STPG2: variants seen among roughly 807,000 people sequenced by gnomAD.
STPG2 encodes sperm tail PG-rich repeat containing 2, also known as sperm-tail PG-rich repeat-containing protein 2.
In STPG2, 56 loss-of-function variants were observed where a neutral mutation model predicts 54.2. The ratio of observed to expected loss-of-function variants is 1.03; its 90% CI spans 0.83 to 1.29. The LOEUF (loss-of-function observed/expected upper bound fraction) is 1.29, where lower values mean the gene tolerates loss of function less well. Ranked by LOEUF, STPG2 falls within the 50% of genes most tolerant of loss-of-function variation. The pLI is 0.00. For missense variants in STPG2, 596 were observed against 544.9 expected (o/e 1.09, Z -0.93); for synonymous variants, 200 against 181.8 (o/e 1.10, Z -0.81).
intron 10 of STPG2, among the ~76,000 whole-genome samples, chr4:97,570,746 A>G (rs897105367): frequency 6.6e-6 from 1 of 152,060 alleles, no homozygotes; most frequent in Non-Finnish European, 1.5e-5. Flanking sequence ...CAACAGACTC[A>G]AAGGTTTTTT....
chr4:97,553,664 C>G (rs556736227), intron 4 of STPG2, among the ~76,000 whole-genome samples: 1 of 152,304 alleles, frequency 6.6e-6, no homozygotes, highest in East Asian at 1.9e-4. Flanking sequence ...TCAAGATCTG[C>G]AATATCTTAG....
chr4:97,548,327 G>C (rs1449087280), intron 4 of STPG2, among the ~76,000 whole-genome samples: 1 of 152,142 alleles, frequency 6.6e-6, no homozygotes, highest in East Asian at 1.9e-4. Context: ...TCAGCTGAGT[G>C]TGCTACTGAT....
chr4:97,781,123 A>G (rs920686750), intron 9 of STPG2, among the ~76,000 whole-genome samples: 1 of 151,990 alleles, frequency 6.6e-6, no homozygotes, highest in Non-Finnish European at 1.5e-5. Flanking sequence ...AAAACCCTTC[A>G]AAAAAATCAA....
At position 97,605,301 on chromosome 4, in the gene STPG2, A is replaced by G. The variant is rs374600609; in HGVS notation, c.1321-46184T>C. On this transcript the variant is annotated intron_variant, in intron 10 of 10. Transcript: ENST00000295268. ...TCCCAAACTAGTGAAAAATTTACAT[A>G]AAGTACTTCAATATACAATATACTT... Among the ~76,000 whole-genome samples the G allele has an allele frequency of 6.6e-5, 10 of 151,964 alleles. No homozygotes were observed. In the East Asian group the frequency reaches 9.7e-4, roughly 15 times the overall value.
At position 97,850,326 on chromosome 4, in the gene STPG2, A is replaced by ATAAATAAATAAATAAAT. The variant is rs1553918504; in HGVS notation, c.1045-9395_1045-9394insATTTATTTATTTATTTA. 1.3e-3 allele frequency among the ~76,000 whole-genome samples: 186 copies of ATAAATAAATAAATAAAT among 146,854 alleles called. 1 individual carries two copies. The highest frequency in any genetic ancestry group is 7.9e-3 in the Middle Eastern group (2 of 252). On this transcript the variant is annotated intron_variant, in intron 8 of 10. Transcript: ENST00000295268. Reference sequence around the variant, plus strand: ...AATAAATAAATAAATAAATAAATAAAGAAGTAGAGCACAGTAAAAAACTAA... The same window carrying ATAAATAAATAAATAAAT: ...AATAAATAAATAAATAAATAAATAAATAAATAAATAAATAAATGAAGTAGAGCACAGTAAAAAACTAA...
chr4:98,134,676 A>T (rs1480003884), intron 1 of STPG2, among the ~76,000 whole-genome samples: 1 of 150,472 alleles, frequency 6.6e-6, no homozygotes, highest in Admixed American at 6.6e-5. Context: ...AACTTGACTT[A>T]TTGAACAACA....
chr4:97,975,255 C>T (rs1734461871), intron 6 of STPG2, among the ~76,000 whole-genome samples: 1 of 148,200 alleles, frequency 6.7e-6, no homozygotes, highest in African/African-American at 2.5e-5. Flanking sequence ...TCAAATTGTA[C>T]ATTTAAATGA....
chr4:98,138,565 C>A (rs1250834184), intron 1 of STPG2, among the ~76,000 whole-genome samples: 1 of 152,076 alleles, frequency 6.6e-6, no homozygotes, highest in East Asian at 1.9e-4. Flanking sequence ...GCATTTTTCA[C>A]ATATAAGCAG....
chr4:97,977,456 C>A (rs372331476), intron 6 of STPG2, among the ~76,000 whole-genome samples: 2 of 152,116 alleles, frequency 1.3e-5, no homozygotes, highest in African/African-American at 4.8e-5. Flanking sequence ...AGCCTTTGCA[C>A]CTGAATAAAC....
intron 10 of STPG2, among the ~76,000 whole-genome samples, chr4:97,689,012 C>G (rs1391593279): frequency 6.6e-6 from 1 of 151,726 alleles, no homozygotes; most frequent in Non-Finnish European, 1.5e-5. Flanking sequence ...AATTTTAAAC[C>G]CTATTTGTTA....
chr4:98,121,357 T>C (rs1324419583), intron 3 of STPG2, among the ~76,000 whole-genome samples: 2 of 138,272 alleles, frequency 1.4e-5, no homozygotes, highest in South Asian at 2.4e-4. Flanking sequence ...TGCTTAGGAT[T>C]GTCTTGGCTA....
chr4:98,091,702 G>GAAT (rs1296108391), intron 5 of STPG2, among the ~76,000 whole-genome samples: 1 of 44,642 alleles, frequency 2.2e-5, no homozygotes, highest in African/African-American at 6.5e-5. Context: ...ATTGTTCATT[G>GAAT]AGTAATAATA....
intron 9 of STPG2, among the ~76,000 whole-genome samples, chr4:97,794,795 T>C (rs151062116): frequency 2.0e-5 from 3 of 152,300 alleles, no homozygotes; most frequent in East Asian, 1.9e-4. Flanking sequence ...TTTCCAAAGA[T>C]TGGCTCTACA....
At chr4:98,130,478 C>T (rs1305848107) in intron 2 of STPG2, among the ~76,000 whole-genome samples, 1 of 152,148 alleles carries the variant, frequency 6.6e-6, no homozygotes, top group Non-Finnish European at 1.5e-5. Context: ...CCACCACACC[C>T]AGCCAGAATT....
chr4:97,642,912 C>G (rs1721804765), intron 10 of STPG2, among the ~76,000 whole-genome samples: 1 of 151,294 alleles, frequency 6.6e-6, no homozygotes, highest in African/African-American at 2.4e-5. Flanking sequence ...CAAATAAATT[C>G]AAAAGAGCTG....
intron 8 of STPG2, among the ~76,000 whole-genome samples, chr4:97,915,841 G>A (rs1338255356): frequency 1.3e-5 from 2 of 152,064 alleles, no homozygotes; most frequent in Non-Finnish European, 2.9e-5. Flanking sequence ...TTTTTGAGAT[G>A]GGACATAGTC....
intron 5 of STPG2, chr4:98,025,624 A>C (rs1187447729): frequency 1.3e-6 from 1 of 784,660 alleles, no homozygotes; most frequent in East Asian, 2.4e-5. Flanking sequence ...CAGCATATGC[A>C]CACGAACTGC....
chr4:97,989,626 A>G (rs914630362), intron 5 of STPG2, among the ~76,000 whole-genome samples: 12 of 152,204 alleles, frequency 7.9e-5, no homozygotes, highest in African/African-American at 2.4e-4. Context: ...CTTATTGTCA[A>G]TAACTTTCAC....
intron 8 of STPG2, among the ~76,000 whole-genome samples, chr4:97,867,457 A>T (rs917698580): frequency 2.6e-5 from 4 of 151,886 alleles, no homozygotes; most frequent in Non-Finnish European, 5.9e-5. Context: ...GTAAATTCTC[A>T]TTTTTTTCTC....
Sources: gnomAD v4.1 joint callset for allele counts (sites outside exome capture counted in the v4.1 genomes callset) on GRCh38, gnomAD v4.1.1 for gene constraint, MANE v1.5 for transcripts, NCBI Gene and HGNC (gene_info 2026-07-23, HGNC 2026-07-21) for gene names.